The following SORD variants were observed in gnomAD, a reference collection of about 807,000 sequenced individuals.
SORD encodes (R,R)-butanediol dehydrogenase.
In SORD, 18 loss-of-function variants were observed where a neutral mutation model predicts 35.6. The observed-to-expected ratio is 0.51, with a 90% CI of 0.35 to 0.75. The LOEUF (loss-of-function observed/expected upper bound fraction) is 0.75. Among genes scored for constraint, SORD ranks in the 30% least tolerant of loss-of-function variants. The probability of loss-of-function intolerance (pLI) is 0.01; values close to 1 mark genes in which losing one functional copy is unlikely to be tolerated. For synonymous variants in SORD, 106 were observed against 152.9 expected (o/e 0.69, Z 2.26); for missense variants, 250 against 390.2 (o/e 0.64, Z 3.03).
intron 1 of SORD, among the ~76,000 whole-genome samples, chr15:45,027,559 G>A (rs987692703): frequency 6.6e-6 from 1 of 152,236 alleles, no homozygotes; most frequent in Non-Finnish European, 1.5e-5. Flanking sequence ...AACCATATCA[G>A]CTTAAAAAGA....
At position 45,074,270 on chromosome 15, in the gene SORD, CCCCCT is replaced by C. The variant is rs1164231300; in HGVS notation, c.*745_*749del. The C allele has an allele frequency of 6.8e-6, 1 of 147,652 alleles. No individual in the cohort carries two copies. Among genetic ancestry groups the C allele is most frequent in the African/African-American group, 2.6e-5 (1 of 37,934 alleles). The allele number at this position is 147,652 out of a possible 1,614,324, so 9.1% of individuals were successfully genotyped here. ...GTTATTTCACTTGCCAAGTGAAGGA[CCCCCT>C]CCCCAACATGCCCCAGCCCACCCCT... On this transcript the variant is annotated 3_prime_UTR_variant, in exon 9 of 9. Coordinates refer to ENST00000267814, the MANE Select transcript of SORD (RefSeq NM_003104.6).
At chr15:45,036,658 TGCCACTGCACTGTA>T (rs1892873016) in intron 1 of SORD, among the ~76,000 whole-genome samples, 2 of 152,154 alleles carry the variant, frequency 1.3e-5, no homozygotes, top group East Asian at 3.9e-4. Flanking sequence ...GCCGAGATCG[TGCCACTGCACTGTA>T]GCCTGAGTGC....
At chr15:45,064,498 C>G (rs1399006714) in intron 4 of SORD, among the ~76,000 whole-genome samples, 2 of 152,160 alleles carry the variant, frequency 1.3e-5, no homozygotes, top group South Asian at 4.1e-4. Flanking sequence ...TTGATAGGGT[C>G]AAGATACCAG....
At chr15:45,030,357 A>G (rs540010219) in intron 1 of SORD, among the ~76,000 whole-genome samples, 44 of 152,324 alleles carry the variant, frequency 2.9e-4, no homozygotes, top group African/African-American at 7.9e-4. Flanking sequence ...AGAAATTAAG[A>G]AGGAGGAGAA....
At chr15:45,065,169 T>TGCTA (rs2141124166) in intron 4 of SORD, 102 bp from the exon 5 acceptor site, 1 of 1,079,034 alleles carries the variant, frequency 9.3e-7, no homozygotes, top group East Asian at 2.4e-5. Context: ...GCTCGATAAA[T>TGCTA]GCTAGCTATG....
intron 4 of SORD, among the ~76,000 whole-genome samples, chr15:45,065,021 G>C (rs1237029459): frequency 6.6e-6 from 1 of 152,140 alleles, no homozygotes; most frequent in Admixed American, 6.5e-5. Context: ...GATGGTTGGG[G>C]CAAGTCATTT....
intron 3 of SORD, among the ~76,000 whole-genome samples, chr15:45,055,030 G>T (rs1223705885): frequency 6.6e-6 from 1 of 152,170 alleles, no homozygotes; most frequent in Admixed American, 6.5e-5. Context: ...CCAGTACCAT[G>T]CTGTTTTGGT....
intron 1 of SORD, among the ~76,000 whole-genome samples, chr15:45,025,761 T>G (rs1892658687): frequency 6.6e-6 from 1 of 152,072 alleles, no homozygotes; most frequent in African/African-American, 2.4e-5. Context: ...TTTGCTCCTC[T>G]ACTGAGCAGT....
At chr15:45,054,097 A>G (rs1893173547) in intron 3 of SORD, among the ~76,000 whole-genome samples, 1 of 151,576 alleles carries the variant, frequency 6.6e-6, no homozygotes, top group Non-Finnish European at 1.5e-5. Flanking sequence ...TAGTGCTGCA[A>G]TAAACATACG....
chr15:45,045,430 G>A (rs986586295), intron 3 of SORD, among the ~76,000 whole-genome samples: 5 of 151,918 alleles, frequency 3.3e-5, no homozygotes, highest in African/African-American at 1.2e-4. Context: ...CTACTTGGGA[G>A]GCTGAGGCAG....
intron 1 of SORD, among the ~76,000 whole-genome samples, chr15:45,024,911 C>T (rs1342676920): frequency 6.6e-6 from 1 of 152,256 alleles, no homozygotes; most frequent in Non-Finnish European, 1.5e-5. Context: ...CCTTGGCCCT[C>T]TATCTGCTCA....
rs1305499770 is a variant in SORD, at chr15:45,073,590, C to T, written c.*60C>T. 1.2e-5 allele frequency: 18 copies of T among 1,547,684 alleles called. No homozygotes were observed. In the Admixed American group the frequency reaches 3.7e-4, roughly 32 times the overall value. On this transcript the variant is annotated 3_prime_UTR_variant, in exon 9 of 9. Coordinates refer to ENST00000267814, the MANE Select transcript of SORD (RefSeq NM_003104.6). ...GGGATCTCAGGGCACAATGGCTGGA[C>T]ATGGGTGGGCTCTGATGCAGAACTT...
At chr15:45,024,397 C>T (rs1378376219) in intron 1 of SORD, among the ~76,000 whole-genome samples, 1 of 152,348 alleles carries the variant, frequency 6.6e-6, no homozygotes, top group Admixed American at 6.5e-5. Flanking sequence ...TTTCAGACTG[C>T]TCAAGGACTC....
chr15:45,034,984 G>T (rs1427691325), intron 1 of SORD, among the ~76,000 whole-genome samples: 1 of 152,178 alleles, frequency 6.6e-6, no homozygotes. Flanking sequence ...CCGGGCCAGC[G>T]GCTGCGGAGG....
chr15:45,055,769 G>A (rs1292378952), intron 3 of SORD, among the ~76,000 whole-genome samples: 1 of 152,162 alleles, frequency 6.6e-6, no homozygotes, highest in Non-Finnish European at 1.5e-5. Flanking sequence ...AAATCCAGCA[G>A]CACATCAAAA....
intron 6 of SORD, among the ~76,000 whole-genome samples, 182 bp from the exon 7 acceptor site, chr15:45,068,695 T>A (rs932885627): frequency 2.6e-5 from 4 of 151,598 alleles, no homozygotes; most frequent in Admixed American, 1.3e-4. Context: ...CTGGGCTGCA[T>A]GTGGGCTGCA....
chr15:45,062,926 C>T (rs1893344875), intron 4 of SORD, among the ~76,000 whole-genome samples: 1 of 147,202 alleles, frequency 6.8e-6, no homozygotes, highest in African/African-American at 2.7e-5. Flanking sequence ...ATCAAGTCTC[C>T]AGCATGAGGT....
At chr15:45,063,344 C>A (rs1480617003) in intron 4 of SORD, among the ~76,000 whole-genome samples, 3 of 152,182 alleles carry the variant, frequency 2.0e-5, no homozygotes, top group Admixed American at 1.3e-4. Context: ...ATTGTAAAAA[C>A]TACCAAGTTG....
At chr15:45,066,607 CCT>C (rs1441015879) in intron 5 of SORD, among the ~76,000 whole-genome samples, 4 of 152,186 alleles carry the variant, frequency 2.6e-5, no homozygotes, top group Non-Finnish European at 5.9e-5. Flanking sequence ...TCTCTCATCC[CCT>C]GTTTCAAGCC....
Sources: gnomAD v4.1 joint callset for allele counts (sites outside exome capture counted in the v4.1 genomes callset) on GRCh38, gnomAD v4.1.1 for gene constraint, MANE v1.5 for transcripts, NCBI Gene and HGNC (gene_info 2026-07-23, HGNC 2026-07-21) for gene names.